CDKAL1: variants seen among roughly 807,000 people sequenced by gnomAD.
The protein encoded by CDKAL1 is CDKAL1 threonylcarbamoyladenosine tRNA methylthiotransferase, also known as threonylcarbamoyladenosine tRNA methylthiotransferase.
CDKAL1 carries 32 observed loss-of-function variants against 68.2 expected under a neutral mutation model. The ratio of observed to expected loss-of-function variants is 0.47; its 90% CI spans 0.35 to 0.63. The LOEUF (loss-of-function observed/expected upper bound fraction) is 0.63. Among genes scored for constraint, CDKAL1 ranks in the 30% least tolerant of loss-of-function variants. The pLI is 0.00. For missense variants in CDKAL1, 606 were observed against 696.7 expected, an observed-to-expected ratio of 0.87 and a Z score of 1.47; for synonymous variants, 234 against 244.3, an observed-to-expected ratio of 0.96 and a Z score of 0.39.
At chr6:21,169,921 A>ACCGC (rs111365011) in intron 13 of CDKAL1, among the ~76,000 whole-genome samples, 1 of 127,756 alleles carries the variant, frequency 7.8e-6, no homozygotes, top group Non-Finnish European at 1.6e-5. Context: ...TACGGGAAAG[A>ACCGC]CCCCCCCCAC....
At position 21,230,986 on chromosome 6, in the gene CDKAL1, G is replaced by A. The variant is rs1358337756; in HGVS notation, c.1687G>A (p.Gly563Ser). The A allele has an allele frequency of 6.2e-7, 1 of 1,612,742 alleles. No individual in the cohort carries two copies. Among genetic ancestry groups the A allele is most frequent in the South Asian group, 1.1e-5 (1 of 90,900 alleles). Residue 563 changes from glycine (G) to serine (S), a missense_variant, in exon 16 of 16, where the codon GGC becomes AGC. Coordinates refer to ENST00000274695, the MANE Select transcript of CDKAL1 (RefSeq NM_017774.3). ...HQDCALRMSV[G>S]LALLGLLFAF... ...AGACTGTGCGCTGAGGATGTCCGTG[G>A]GCTTGGCTCTGCTGGGTCTTCTTTT...
chr6:21,087,588 C>G (rs1364702573), intron 12 of CDKAL1, among the ~76,000 whole-genome samples: 2 of 152,152 alleles, frequency 1.3e-5, no homozygotes, highest in Non-Finnish European at 2.9e-5. Flanking sequence ...TAGTCCTCAG[C>G]TGATCCTCCA....
chr6:20,829,351 G>T (rs955211479), intron 8 of CDKAL1, among the ~76,000 whole-genome samples: 4 of 152,118 alleles, frequency 2.6e-5, no homozygotes, highest in Admixed American at 2.0e-4. Context: ...TATTTTTCTT[G>T]AGAATCAGTC....
chr6:20,935,800 G>A (rs796841279), intron 9 of CDKAL1, among the ~76,000 whole-genome samples: 38 of 152,158 alleles, frequency 2.5e-4, no homozygotes, highest in African/African-American at 7.2e-4. Flanking sequence ...CAACTCCTGC[G>A]CTCAAGCGAT....
intron 12 of CDKAL1, among the ~76,000 whole-genome samples, chr6:21,068,234 T>C (rs1024429259): frequency 6.6e-6 from 1 of 152,044 alleles, no homozygotes; most frequent in African/African-American, 2.4e-5. Context: ...TTTATCAATT[T>C]TTTTTTTATG....
At chr6:20,838,705 G>A (rs1778055753) in intron 8 of CDKAL1, among the ~76,000 whole-genome samples, 1 of 152,128 alleles carries the variant, frequency 6.6e-6, no homozygotes, top group Admixed American at 6.5e-5. Context: ...GGGTGCAGTG[G>A]TTCACGCCTG....
At chr6:20,697,709 C>G (rs1237078923) in intron 5 of CDKAL1, among the ~76,000 whole-genome samples, 3 of 152,216 alleles carry the variant, frequency 2.0e-5, no homozygotes, top group African/African-American at 7.2e-5. Context: ...TCTGTAGGGA[C>G]TGTCATGAAA....
At chr6:20,816,625 GAATAT>G (rs1777058185) in intron 8 of CDKAL1, among the ~76,000 whole-genome samples, 1 of 152,120 alleles carries the variant, frequency 6.6e-6, no homozygotes, top group East Asian at 1.9e-4. Flanking sequence ...TAAGTGAATA[GAATAT>G]GTTTTCAGAC....
At chr6:21,167,083 A>T (rs1165073298) in intron 13 of CDKAL1, among the ~76,000 whole-genome samples, 1 of 152,208 alleles carries the variant, frequency 6.6e-6, no homozygotes, top group East Asian at 1.9e-4. Flanking sequence ...TGTAGGTGAA[A>T]GCAATGTGAT....
At chr6:20,646,813 G>A (rs530586113) in intron 4 of CDKAL1, among the ~76,000 whole-genome samples, 4 of 151,976 alleles carry the variant, frequency 2.6e-5, no homozygotes, top group Non-Finnish European at 4.4e-5. Context: ...GCACGATCTC[G>A]GCTTACTGCA....
At chr6:20,847,549 AT>A (rs958860617) in intron 9 of CDKAL1, among the ~76,000 whole-genome samples, 2 of 152,308 alleles carry the variant, frequency 1.3e-5, no homozygotes, top group Admixed American at 1.3e-4. Context: ...ACTGCATATA[AT>A]TTTTTTAAAA....
intron 9 of CDKAL1, among the ~76,000 whole-genome samples, chr6:20,940,042 A>G (rs754302842): frequency 4.3e-4 from 65 of 152,196 alleles, no homozygotes; most frequent in Non-Finnish European, 7.6e-4. Context: ...TTTAAATACA[A>G]TAGTCTCTAT....
chr6:20,835,063 A>G (rs1229964627), intron 8 of CDKAL1, among the ~76,000 whole-genome samples: 3 of 152,188 alleles, frequency 2.0e-5, no homozygotes, highest in Admixed American at 2.0e-4. Context: ...TTGAAAACCA[A>G]TTTATCCTGC....
At chr6:20,638,750 C>T (rs1473545798) in intron 4 of CDKAL1, among the ~76,000 whole-genome samples, 16 of 100,400 alleles carry the variant, frequency 1.6e-4, no homozygotes, top group Admixed American at 1.9e-4. Context: ...TACAAACGCG[C>T]GCCACCATAA....
intron 13 of CDKAL1, among the ~76,000 whole-genome samples, chr6:21,192,789 A>C (rs1170468230): frequency 6.6e-6 from 1 of 151,804 alleles, no homozygotes; most frequent in Non-Finnish European, 1.5e-5. Flanking sequence ...GGATTACAAG[A>C]AAATACTTTG....
intron 9 of CDKAL1, among the ~76,000 whole-genome samples, chr6:20,897,901 T>C (rs922068485): frequency 3.9e-5 from 6 of 152,136 alleles, no homozygotes; most frequent in South Asian, 2.1e-4. Context: ...TTTAAAGTAA[T>C]TAAAATACAA....
chr6:20,846,978 C>G, intron 9 of CDKAL1, among the ~76,000 whole-genome samples: 1 of 152,126 alleles, frequency 6.6e-6, no homozygotes, highest in East Asian at 1.9e-4. Context: ...TTCTTTTTGT[C>G]AAGTAACTTG....
chr6:20,790,642 T>A (rs1345364357), intron 8 of CDKAL1, among the ~76,000 whole-genome samples: 1 of 152,144 alleles, frequency 6.6e-6, no homozygotes, highest in Non-Finnish European at 1.5e-5. Flanking sequence ...GCTATAGCAT[T>A]CGGTGGTTCC....
intron 12 of CDKAL1, among the ~76,000 whole-genome samples, chr6:21,108,006 CTG>C (rs1211344367): frequency 8.5e-5 from 13 of 152,334 alleles, no homozygotes; most frequent in African/African-American, 2.9e-4. Flanking sequence ...GAATGCATGT[CTG>C]TGCCCAATTC....
Sources: allele counts gnomAD v4.1 joint callset (sites outside exome capture counted in the v4.1 genomes callset), GRCh38; gene constraint gnomAD v4.1.1; transcripts MANE v1.5; gene names NCBI Gene and HGNC (gene_info 2026-07-23, HGNC 2026-07-21).